Variants in DHX15 observed in about 807,000 individuals in gnomAD.
The protein encoded by DHX15 is ATP-dependent RNA helicase DHX15.
Under a neutral mutation model 94.4 loss-of-function variants are expected in DHX15, and 11 were observed. That is an observed-to-expected ratio of 0.12 (90% confidence interval 0.07 to 0.19). DHX15 has a LOEUF of 0.19. DHX15 is among the 10% of genes least tolerant of loss of function. DHX15 has a pLI of 1.00. For missense variants in DHX15, 304 were observed against 988.5 expected (o/e 0.31, Z 9.29); for synonymous variants, 338 against 329.9 (o/e 1.02, Z -0.27).
rs750103525 is a variant in DHX15, at chr4:24,554,706, A to C, written c.1080+19T>G. 6.3e-7 allele frequency: 1 copy of C among 1,590,292 alleles called. No individual in the cohort carries two copies. Among genetic ancestry groups the C allele is most frequent in the Non-Finnish European group, 8.6e-7 (1 of 1,162,750 alleles). ...ACAGTATGTCAAAAGCTAAATAATGAAGAAAATTAAAACAATACCTCTTGA... is the reference window on the plus strand; with the variant it reads ...ACAGTATGTCAAAAGCTAAATAATGCAGAAAATTAAAACAATACCTCTTGA... On this transcript the variant is annotated intron_variant, in intron 5 of 13. Transcript: ENST00000336812.
chr4:24,584,192 A>C, intron 1 of DHX15, 131 bp downstream of exon 1: 1 of 961,464 alleles, frequency 1.0e-6, no homozygotes, highest in Admixed American at 2.7e-5. Context: ...ACCCGCCGCT[A>C]GTGAACCCAG....
chr4:24,577,891 A>C (rs1454962371), intron 1 of DHX15, among the ~76,000 whole-genome samples: 5 of 152,220 alleles, frequency 3.3e-5, no homozygotes. Context: ...CCAGACTTGA[A>C]ATAATGAGAC....
chr4:24,563,225 G>A (rs1050452431), intron 3 of DHX15: 1 of 152,006 alleles, frequency 6.6e-6, no homozygotes, highest in Non-Finnish European at 1.5e-5. Flanking sequence ...GCCCAGGCTG[G>A]AAGGCAGTGG....
chr4:24,538,496 A>G (rs1721239177), intron 10 of DHX15: 1 of 152,146 alleles, frequency 6.6e-6, no homozygotes, highest in Admixed American at 6.5e-5. Context: ...TAGTGCTCTC[A>G]AAGGCCTCTA....
chr4:24,584,197 AC>A (rs1722551121), intron 1 of DHX15, 125 bp downstream of exon 1: 1 of 1,038,646 alleles, frequency 9.6e-7, no homozygotes, highest in East Asian at 2.8e-5. Context: ...CCGCTAGTGA[AC>A]CCAGCCCAGA....
At chr4:24,561,087 TCA>T (rs1721864880) in intron 3 of DHX15, among the ~76,000 whole-genome samples, 1 of 152,202 alleles carries the variant, frequency 6.6e-6, no homozygotes. Flanking sequence ...GGAATTTATT[TCA>T]CAGATGTGTA....
At chr4:24,539,802 A>C (rs1358509680) in intron 10 of DHX15, 1 of 192,878 alleles carries the variant, frequency 5.2e-6, no homozygotes, top group Admixed American at 6.1e-5. Context: ...AAAAACCACA[A>C]AGATAGCAGT....
chr4:24,559,234 G>A (rs1459024016), intron 3 of DHX15, among the ~76,000 whole-genome samples: 1 of 151,974 alleles, frequency 6.6e-6, no homozygotes, highest in Admixed American at 6.6e-5. Flanking sequence ...AGGACTGTTA[G>A]CCACCACCAA....
chr4:24,583,740 T>G (rs1722532260), intron 1 of DHX15, among the ~76,000 whole-genome samples: 2 of 150,540 alleles, frequency 1.3e-5, no homozygotes, highest in South Asian at 4.2e-4. Context: ...TACTCCCACC[T>G]CCCCCGAGAA....
At chr4:24,584,134 G>A (rs916633079) in intron 1 of DHX15, 189 bp downstream of exon 1, 2 of 603,524 alleles carry the variant, frequency 3.3e-6, no homozygotes, top group Admixed American at 3.2e-5. Flanking sequence ...CCCGTCGCAC[G>A]CAACCCCCCG....
At chr4:24,566,528 T>TG (rs1262097047) in intron 3 of DHX15, among the ~76,000 whole-genome samples, 12 of 152,102 alleles carry the variant, frequency 7.9e-5, no homozygotes, top group Admixed American at 1.3e-4. Flanking sequence ...ACCCTTGACT[T>TG]AAATTCCAAC....
At chr4:24,580,162 C>T (rs950121328) in intron 1 of DHX15, among the ~76,000 whole-genome samples, 3 of 152,218 alleles carry the variant, frequency 2.0e-5, no homozygotes, top group African/African-American at 7.2e-5. Context: ...AATCCCAGTG[C>T]TTTGGGAGGC....
intron 3 of DHX15, among the ~76,000 whole-genome samples, chr4:24,567,362 A>T (rs1722015282): frequency 6.6e-6 from 1 of 151,456 alleles, no homozygotes; most frequent in South Asian, 2.1e-4. Context: ...GCGGATCACA[A>T]GGTCAGGAGT....
chr4:24,573,160 C>T (rs1722160761), intron 2 of DHX15, among the ~76,000 whole-genome samples: 3 of 152,212 alleles, frequency 2.0e-5, no homozygotes, highest in Admixed American at 2.0e-4. Context: ...ATCTGCCCGC[C>T]TCAGCATCCC....
At chr4:24,580,251 A>T (rs986997037) in intron 1 of DHX15, among the ~76,000 whole-genome samples, 1 of 152,058 alleles carries the variant, frequency 6.6e-6, no homozygotes, top group African/African-American at 2.4e-5. Context: ...CTACAAAAAA[A>T]TTTTAAACTT....
intron 6 of DHX15, among the ~76,000 whole-genome samples, chr4:24,545,101 A>C (rs1234271762): frequency 1.3e-5 from 2 of 152,146 alleles, no homozygotes; most frequent in East Asian, 3.9e-4. Context: ...ACAGACTGAG[A>C]CCCTATCTCA....
intron 6 of DHX15, among the ~76,000 whole-genome samples, chr4:24,548,289 C>T (rs375686034): frequency 2.0e-4 from 30 of 151,972 alleles, no homozygotes; most frequent in East Asian, 1.7e-3. Flanking sequence ...ATTACAGGCA[C>T]GCGCTACCAC....
intron 6 of DHX15, among the ~76,000 whole-genome samples, chr4:24,547,909 A>ATCTATCTATC (rs1447942034): frequency 1.2e-5 from 1 of 83,370 alleles, no homozygotes; most frequent in Non-Finnish European, 2.6e-5. Flanking sequence ...ATGTGTATAT[A>ATCTATCTATC]TATATATATA....
Position 24,537,847 on chromosome 4 carries a change from T to C in DHX15, c.1787-674A>G, listed in dbSNP as rs1490033775. On this transcript the variant is annotated intron_variant, in intron 10 of 13. Transcript: ENST00000336812. The surrounding 1 kb of genome is among the most constrained non-coding windows in gnomAD (Gnocchi z 4.7). Reference sequence around the variant, plus strand: ...AAAGGCTGGGATATTCAGCCTAGTGTTTCAGCATTTTAACAAAAGGATTAG... The same window carrying C: ...AAAGGCTGGGATATTCAGCCTAGTGCTTCAGCATTTTAACAAAAGGATTAG... The C allele has an allele frequency of 1.3e-5, 2 of 152,178 alleles. No homozygotes were observed. Among genetic ancestry groups the C allele is most frequent in the Admixed American group, 1.3e-4 (2 of 15,278 alleles). 9.4% of individuals were successfully genotyped at this position (152,178 alleles called of 1,614,324 possible). A position where few individuals can be genotyped will look rare whatever the true frequency, so the allele number is the denominator to read the frequency against.
Sources: gnomAD v4.1 joint callset for allele counts (sites outside exome capture counted in the v4.1 genomes callset) on GRCh38, gnomAD v4.1.1 for gene constraint, Gnocchi (gnomAD v3.1) non-coding constraint, MANE v1.5 for transcripts, NCBI Gene and HGNC (gene_info 2026-07-23, HGNC 2026-07-21) for gene names.